The following UTP14A variants were observed in gnomAD, a reference collection of about 807,000 sequenced individuals.
The protein encoded by UTP14A is U3 small nucleolar RNA-associated protein 14 homolog A.
In UTP14A, 5 loss-of-function variants were observed where a neutral mutation model predicts 57.2. The observed-to-expected ratio is 0.09, with a 90% CI of 0.05 to 0.18. The LOEUF (loss-of-function observed/expected upper bound fraction) is 0.18, where lower values mean the gene tolerates loss of function less well. Ranked by LOEUF, UTP14A falls within the 10% of genes least tolerant of loss-of-function variation. The probability of loss-of-function intolerance (pLI) is 1.00; values close to 1 mark genes in which losing one functional copy is unlikely to be tolerated. For synonymous variants in UTP14A, 169 were observed against 210.9 expected (o/e 0.80, Z 1.72); for missense variants, 430 against 562.1 (o/e 0.76, Z 2.38).
Position 129,908,692 on chromosome X carries a change from G to A in UTP14A, c.196G>A (p.Glu66Lys). The A allele has an allele frequency of 8.3e-7, 1 of 1,211,812 alleles. No individual in the cohort carries two copies. The highest frequency in any genetic ancestry group is 1.1e-6 in the Non-Finnish European group (1 of 895,398). The change falls in exon 4 of 15, where the codon GAG (glutamate) becomes AAG (lysine). Residue 66 changes from glutamate to lysine, a missense_variant. Around this residue, in one of 4 missense-constraint regions of UTP14A, gnomAD observed 145 missense variants for 153.5 expected, o/e 0.94. Transcript: ENST00000394422. Reference protein sequence around the residue: ...KNRRKLAERSEASLKVSEFNV... With the variant: ...KNRRKLAERSKASLKVSEFNV... ...CAGGCGGAAATTGGCTGAGAGGTCT[G>A]AGGCTAGTCTGAAGGTGTCAGAGTT...
chrX:129,916,032 C>G (rs994263286), intron 6 of UTP14A, among the ~76,000 whole-genome samples: 2 of 102,771 alleles, frequency 1.9e-5, no homozygotes, highest in Admixed American at 2.1e-4. Context: ...CGGCTCACTG[C>G]AAGCTCCACC....
chrX:129,922,635 T>C (rs1929958487), intron 11 of UTP14A: 2 of 110,433 alleles, frequency 1.8e-5, no homozygotes, highest in African/African-American at 6.6e-5. Context: ...CAGGCTGGTC[T>C]TGAATTCCTG....
At chrX:129,919,585 A>G in intron 8 of UTP14A, 96 bp downstream of exon 8, 3 of 939,839 alleles carry the variant, frequency 3.2e-6, no homozygotes, top group Non-Finnish European at 2.9e-6. Context: ...TGCAGCAACT[A>G]GAGTCATGCA....
intron 6 of UTP14A, among the ~76,000 whole-genome samples, chrX:129,917,178 T>C (rs1417532457): frequency 1.8e-5 from 2 of 111,898 alleles, no homozygotes; most frequent in Non-Finnish European, 3.8e-5. Flanking sequence ...TGTTTGTAAA[T>C]TGAATTGAAT....
intron 2 of UTP14A, among the ~76,000 whole-genome samples, chrX:129,907,771 A>G (rs773223732): frequency 1.8e-5 from 2 of 111,324 alleles, no homozygotes; most frequent in Admixed American, 9.6e-5. Flanking sequence ...CCTGGCTAAC[A>G]CAGTGAAACC....
intron 2 of UTP14A, 64 bp downstream of exon 2, chrX:129,907,506 G>A (rs772048390): frequency 8.1e-6 from 8 of 989,524 alleles, no homozygotes; most frequent in Non-Finnish European, 9.9e-6. Flanking sequence ...GGAATGGAAG[G>A]GTGTGACAAT....
chrX:129,920,187 TA>T (rs372817595), intron 8 of UTP14A, among the ~76,000 whole-genome samples: 27 of 103,834 alleles, frequency 2.6e-4, no homozygotes, highest in African/African-American at 7.0e-4. Context: ...AGACCCTGTC[TA>T]AAAAAAAAAA....
chrX:129,912,022 TAA>T, intron 6 of UTP14A, 101 bp downstream of exon 6: 1 of 1,026,687 alleles, frequency 9.7e-7, no homozygotes, highest in South Asian at 2.3e-5. Flanking sequence ...AACCCCAGCA[TAA>T]GTCATTTTAG....
chrX:129,928,733 G>A (rs1352309550), intron 14 of UTP14A, among the ~76,000 whole-genome samples: 3 of 109,593 alleles, frequency 2.7e-5, no homozygotes, highest in Admixed American at 1.9e-4. Flanking sequence ...CAGCCTGGGC[G>A]ACAGAGCGAG....
Position 129,924,787 on chromosome X carries a change from T to C in UTP14A, c.1349-8T>C, listed in dbSNP as rs762096007. On this transcript the variant is annotated splice_polypyrimidine_tract_variant and splice_region_variant and intron_variant, in intron 11 of 14. Transcript: ENST00000394422. ...TTTTCTGACAGTTTTCATTCTTTTT[T>C]CCCCCAGATTCTGGCAGCCAGGAGG... 4.2e-6 allele frequency: 5 copies of C among 1,189,627 alleles called. No individual in the cohort carries two copies. Among genetic ancestry groups the C allele is most frequent in the Admixed American group, 5.1e-5 (2 of 39,272 alleles).
rs762443491 is a variant in UTP14A at position 129,911,742 on chromosome X, G to A, written c.382-24G>A. The A allele has an allele frequency of 2.2e-5, 27 of 1,202,439 alleles. No homozygotes were observed. In the Admixed American group the frequency reaches 2.9e-4, roughly 13 times the overall value. On this transcript the variant is annotated intron_variant, in intron 5 of 14. Coordinates refer to ENST00000394422, the MANE Select transcript of UTP14A (RefSeq NM_006649.4). ...ATGCTTTAATCTTGTGGCTCTTTCC[G>A]TTTACATGCCTTGCCTGCTTCAGAT...
At chrX:129,915,248 G>A (rs1453211578) in intron 6 of UTP14A, among the ~76,000 whole-genome samples, 2 of 110,748 alleles carry the variant, frequency 1.8e-5, no homozygotes, top group Middle Eastern at 4.8e-3. Context: ...GCTATGGGCC[G>A]GGCGTGGTGG....
chrX:129,913,531 T>C (rs1254655552), intron 6 of UTP14A: 2 of 272,586 alleles, frequency 7.3e-6, no homozygotes, highest in Admixed American at 4.9e-5. Context: ...AAGTTTGCTG[T>C]TGTTGTTGTC....
chrX:129,919,532 A>C (rs760636050), intron 8 of UTP14A, 43 bp downstream of exon 8: 1 of 1,170,192 alleles, frequency 8.5e-7, no homozygotes, highest in South Asian at 1.8e-5. Flanking sequence ...CCACAGAAGA[A>C]AGTCATGTGG....
intron 11 of UTP14A, chrX:129,922,656 A>G (rs888547993): frequency 1.8e-5 from 2 of 109,058 alleles, no homozygotes; most frequent in African/African-American, 3.4e-5. Flanking sequence ...GCCTCAAGCT[A>G]TCCTCTCACC....
intron 4 of UTP14A, 85 bp downstream of exon 4, chrX:129,908,819 GT>G (rs954630274): frequency 1.9e-5 from 17 of 900,313 alleles, no homozygotes; most frequent in African/African-American, 7.9e-5. Context: ...CCTAGGAACT[GT>G]TTTTGATGTG....
At chrX:129,926,445 A>T (rs1221701493) in intron 14 of UTP14A, 106 bp downstream of exon 14, 2 of 678,059 alleles carry the variant, frequency 2.9e-6, no homozygotes, top group African/African-American at 4.4e-5. Flanking sequence ...TGTGATCTTG[A>T]CCGCAGAATC....
chrX:129,916,156 G>T (rs1259876061), intron 6 of UTP14A, among the ~76,000 whole-genome samples: 2 of 109,619 alleles, frequency 1.8e-5, no homozygotes, highest in African/African-American at 3.3e-5. Context: ...GGGTTTCACC[G>T]TGTTAGCCAG....
rs769723306 is a variant in UTP14A at position 129,907,046 on chromosome X, A to G, written c.27-321A>G. Reference sequence around the variant, plus strand: ...ATAGGTCATAGGAAATGTTGTGCCAATCCCTGAAAAGTGATAGCTCTTTTA... The same window carrying G: ...ATAGGTCATAGGAAATGTTGTGCCAGTCCCTGAAAAGTGATAGCTCTTTTA... On this transcript the variant is annotated intron_variant, in intron 1 of 14. Coordinates refer to ENST00000394422, the MANE Select transcript of UTP14A (RefSeq NM_006649.4). Among the ~76,000 whole-genome samples the G allele has an allele frequency of 2.7e-5, 3 of 109,972 alleles. No individual in the cohort carries two copies. The East Asian group carries it at 8.7e-4, about 32-fold the overall frequency.
Sources: allele counts gnomAD v4.1 joint callset (sites outside exome capture counted in the v4.1 genomes callset), GRCh38; gene constraint gnomAD v4.1.1; regional missense constraint gnomAD v4.1.1; transcripts MANE v1.5; gene names NCBI Gene and HGNC (gene_info 2026-07-23, HGNC 2026-07-21).